ASAP2: variants seen among roughly 807,000 people sequenced by gnomAD.
ASAP2 encodes the protein ArfGAP with SH3 domain, ankyrin repeat and PH domain 2, also known as arf-GAP with SH3 domain, ANK repeat and PH domain-containing protein 2.
A neutral mutation model predicts 131.4 loss-of-function variants in ASAP2; 45 were observed. That is an observed-to-expected ratio of 0.34 (90% CI 0.27 to 0.44). The LOEUF (loss-of-function observed/expected upper bound fraction) is 0.44. Among genes scored for constraint, ASAP2 ranks in the 20% least tolerant of loss-of-function variants. ASAP2 has a pLI of 1.00. For synonymous variants in ASAP2, 510 were observed against 503.0 expected, an observed-to-expected ratio of 1.01 and a Z score of -0.19; for missense variants, 1,011 against 1,297.0, an observed-to-expected ratio of 0.78 and a Z score of 3.39.
chr2:9,331,118 G>C (rs908919778), intron 7 of ASAP2, among the ~76,000 whole-genome samples: 4 of 152,212 alleles, frequency 2.6e-5, no homozygotes, highest in African/African-American at 9.6e-5. Flanking sequence ...CAAGGGCACA[G>C]CTTTGCCTGC....
chr2:9,351,013 T>C, intron 12 of ASAP2, 118 bp downstream of exon 12: 1 of 712,750 alleles, frequency 1.4e-6, no homozygotes, highest in Non-Finnish European at 2.2e-6. Flanking sequence ...AGACATACCC[T>C]TTTTCTAGTG....
Position 9,356,089 on chromosome 2 carries a change from G to C in ASAP2, c.1154G>C (p.Cys385Ser). 2 of 1,614,210 alleles carry C rather than the reference G, an allele frequency of 1.2e-6. No homozygotes were observed. The highest frequency in any genetic ancestry group is 1.7e-6 in the Non-Finnish European group (2 of 1,180,046). Residue 385 changes from cysteine to serine, a missense_variant, in exon 13 of 28, where the codon TGT (cysteine) becomes TCT (serine). Physicochemically the swap from Cys to Ser is moderately radical, Grantham distance 112 (BLOSUM62 -1). Transcript: ENST00000281419. ...YHFQAEDEQECQIWMSVLQNS... is the reference protein window; with the variant it reads ...YHFQAEDEQESQIWMSVLQNS... The stretch of plus-strand genomic sequence containing the variant: ...TTTCAAGCTGAAGATGAACAGGAAT[G>C]TCAAATGTAAGTTACATGGTGGTGG...
intron 16 of ASAP2, among the ~76,000 whole-genome samples, chr2:9,372,068 A>C (rs749069883): frequency 6.6e-6 from 1 of 152,178 alleles, no homozygotes; most frequent in African/African-American, 2.4e-5. Flanking sequence ...CCCTGGGCAG[A>C]TGAGTAAATA....
Position 9,358,235 on chromosome 2 carries a change from C to G in ASAP2, c.1328-521C>G, listed in dbSNP as rs531957674. Among the ~76,000 whole-genome samples the G allele has an allele frequency of 1.1e-4, 17 of 152,360 alleles. No individual in the cohort carries two copies. The South Asian group carries it at 3.5e-3, about 32-fold the overall frequency. ...AAAGTGCTCTGTGATTGCTGAAGCT[C>G]TTAACAACACAAACTGTTATTGCTA... is the stretch of plus-strand genomic sequence containing the variant. On this transcript the variant is annotated intron_variant, in intron 14 of 27. Transcript: ENST00000281419.
intron 1 of ASAP2, among the ~76,000 whole-genome samples, chr2:9,267,303 C>T (rs945754969): frequency 5.9e-5 from 9 of 152,234 alleles, no homozygotes; most frequent in African/African-American, 1.9e-4. Flanking sequence ...CACATCTCTC[C>T]GCTCTCTAGT....
chr2:9,277,421 A>G (rs964276116), intron 1 of ASAP2, among the ~76,000 whole-genome samples: 2 of 152,232 alleles, frequency 1.3e-5, no homozygotes, highest in Non-Finnish European at 2.9e-5. Flanking sequence ...TGTATCTTGA[A>G]GGAAGGTAGG....
At chr2:9,244,112 C>A (rs1190769208) in intron 1 of ASAP2, among the ~76,000 whole-genome samples, 1 of 152,074 alleles carries the variant, frequency 6.6e-6, no homozygotes, top group Admixed American at 6.6e-5. Flanking sequence ...CCAGTCTGGG[C>A]AACATGGTGA....
At chr2:9,285,212 A>C (rs1221770282) in intron 2 of ASAP2, among the ~76,000 whole-genome samples, 1 of 152,150 alleles carries the variant, frequency 6.6e-6, no homozygotes, top group Non-Finnish European at 1.5e-5. Flanking sequence ...AGAGTATCAG[A>C]ATACCCCGGG....
At chr2:9,400,205 C>CCCCTCCTCCCCTCATG (rs1676511170) in intron 25 of ASAP2, 133 bp downstream of exon 25, 2 of 813,112 alleles carry the variant, frequency 2.5e-6, no homozygotes, top group Non-Finnish European at 3.8e-6. Context: ...CCTGCCCCCT[C>CCCCTCCTCCCCTCATG]CCCTCCTGCC....
intron 3 of ASAP2, among the ~76,000 whole-genome samples, chr2:9,305,539 A>G (rs1157348206): frequency 1.8e-4 from 22 of 125,354 alleles, no homozygotes; most frequent in East Asian, 4.7e-4. Flanking sequence ...GGGCTGTAAT[A>G]GTGGGGTACA....
chr2:9,306,707 A>G (rs985563586), intron 3 of ASAP2, among the ~76,000 whole-genome samples: 1 of 152,032 alleles, frequency 6.6e-6, no homozygotes, highest in Non-Finnish European at 1.5e-5. Context: ...TTGTCAGCGA[A>G]TTGATAGAAA....
intron 17 of ASAP2, among the ~76,000 whole-genome samples, chr2:9,375,588 A>G (rs553860315): frequency 6.6e-6 from 1 of 152,296 alleles, no homozygotes; most frequent in African/African-American, 2.4e-5. Context: ...AATAGACGCT[A>G]TGTAGTCTTA....
At chr2:9,401,558 A>G (rs757008186) in intron 27 of ASAP2, among the ~76,000 whole-genome samples, 162 bp downstream of exon 27, 2 of 152,114 alleles carry the variant, frequency 1.3e-5, no homozygotes, top group Non-Finnish European at 1.5e-5. Flanking sequence ...TGCTTCCTCC[A>G]TGGACACCCC....
At chr2:9,242,208 A>AG (rs1352883836) in intron 1 of ASAP2, among the ~76,000 whole-genome samples, 1 of 152,142 alleles carries the variant, frequency 6.6e-6, no homozygotes, top group Non-Finnish European at 1.5e-5. Flanking sequence ...CCGTGATCTT[A>AG]GGGGCGCATG....
At chr2:9,300,053 GA>G (rs1253681525) in intron 3 of ASAP2, among the ~76,000 whole-genome samples, 3 of 152,140 alleles carry the variant, frequency 2.0e-5, no homozygotes, top group African/African-American at 7.2e-5. Context: ...GCAACATGGG[GA>G]ACCCCTGTTT....
intron 17 of ASAP2, among the ~76,000 whole-genome samples, chr2:9,376,625 A>G (rs959498146): frequency 2.0e-5 from 3 of 152,224 alleles, no homozygotes; most frequent in African/African-American, 4.8e-5. Flanking sequence ...TGTGGTGCTG[A>G]TGCAGGGATG....
chr2:9,400,965 C>T (rs1676612637), intron 26 of ASAP2, 135 bp downstream of exon 26: 6 of 918,136 alleles, frequency 6.5e-6, no homozygotes, highest in Admixed American at 2.3e-5. Context: ...TGGTACCTGA[C>T]TGCTTGGATC....
intron 3 of ASAP2, among the ~76,000 whole-genome samples, chr2:9,317,117 A>ATCACTCACATCCACATGCACACAC (rs139485860): frequency 9.9e-6 from 1 of 101,156 alleles, no homozygotes; most frequent in Non-Finnish European, 2.1e-5. Context: ...ACCCCACGCA[A>ATCACTCACATCCACATGCACACAC]TCACAACCAC....
intron 1 of ASAP2, among the ~76,000 whole-genome samples, chr2:9,244,295 C>A (rs1032279844): frequency 6.6e-6 from 1 of 152,094 alleles, no homozygotes; most frequent in African/African-American, 2.4e-5. Context: ...GACCCTGTCT[C>A]AAAACAACAA....
Sources: allele counts gnomAD v4.1 joint callset (sites outside exome capture counted in the v4.1 genomes callset), GRCh38; gene constraint gnomAD v4.1.1; transcripts MANE v1.5; gene names NCBI Gene and HGNC (gene_info 2026-07-23, HGNC 2026-07-21).